The following KIF13A variants were observed in gnomAD, a reference collection of about 807,000 sequenced individuals.
The protein encoded by KIF13A is kinesin-like protein KIF13A.
Under a neutral mutation model 212.2 loss-of-function variants are expected in KIF13A, and 79 were observed. The ratio of observed to expected loss-of-function variants is 0.37; its 90% confidence interval spans 0.31 to 0.45. The LOEUF is 0.45. Ranked by LOEUF, KIF13A falls within the 20% of genes least tolerant of loss-of-function variation. KIF13A has a pLI of 1.00. For missense variants in KIF13A, 1,901 were observed against 2,209.0 expected (o/e 0.86, Z 2.79); for synonymous variants, 789 against 808.6 (o/e 0.98, Z 0.41).
chr6:17,856,716 T>C lies in KIF13A; in HGVS notation c.221-594A>G, dbSNP rs1186162427. ...CACACTGCAGCTCTTGGGGGCATTG[T>C]GTCATGTACTATACTATGGCAGAGC... On this transcript the variant is annotated intron_variant, in intron 4 of 38. Coordinates refer to ENST00000259711, the MANE Select transcript of KIF13A (RefSeq NM_022113.6). This position sits in a 1 kb window ranked among gnomAD's most constrained non-coding sequence, Gnocchi z 4.5. Among the ~76,000 whole-genome samples the C allele has an allele frequency of 1.3e-5, 2 of 152,220 alleles. No individual in the cohort carries two copies. The highest frequency in any genetic ancestry group is 2.9e-5 in the Non-Finnish European group (2 of 68,046).
At chr6:17,840,925 T>A (rs1366861828) in intron 9 of KIF13A, among the ~76,000 whole-genome samples, 2 of 152,142 alleles carry the variant, frequency 1.3e-5, no homozygotes, top group African/African-American at 4.8e-5. Flanking sequence ...TGTCTCCCTC[T>A]CTAGCACCAA....
chr6:17,938,362 G>A (rs1050523228), intron 2 of KIF13A, among the ~76,000 whole-genome samples: 1 of 152,134 alleles, frequency 6.6e-6, no homozygotes, highest in African/African-American at 2.4e-5. Flanking sequence ...CACAAAACAC[G>A]ACCAATGTAA....
At chr6:17,986,905 G>T in intron 2 of KIF13A, 149 bp downstream of exon 2, 1 of 599,434 alleles carries the variant, frequency 1.7e-6, no homozygotes. Flanking sequence ...AGAGGAACTT[G>T]GACTTGCAAC....
rs1581599497 is a variant in KIF13A at position 17,874,037 on chromosome 6, C to T, written c.160-600G>A. Among the ~76,000 whole-genome samples, 2 of 152,108 alleles carry T rather than the reference C, an allele frequency of 1.3e-5. 1 individual carries two copies. Among genetic ancestry groups the T allele is most frequent in the East Asian group, 3.9e-4 (2 of 5,176 alleles). On this transcript the variant is annotated intron_variant, in intron 3 of 38. Transcript: ENST00000259711. The stretch of plus-strand genomic sequence containing the variant: ...CCACAATACATCTGATGAGAAAACA[C>T]AAAAAACAAAAACAATATCTTCTCT...
Position 17,796,832 on chromosome 6 carries a change from G to C in KIF13A, c.2791-12C>G, listed in dbSNP as rs747680978. The stretch of plus-strand genomic sequence containing the variant: ...TTCACCACATAGTCCTGGGATAAGT[G>C]GGGGAAAGCAAAAGAATTATGCTTA... On this transcript the variant is annotated splice_polypyrimidine_tract_variant and intron_variant, in intron 22 of 38. Transcript: ENST00000259711. 1 of 1,469,606 alleles carries C rather than the reference G, an allele frequency of 6.8e-7. No homozygotes were observed. The allele number at this position is 1,469,606 out of a possible 1,614,324, so 91.0% of individuals were successfully genotyped here.
intron 4 of KIF13A, among the ~76,000 whole-genome samples, chr6:17,869,835 C>T (rs934879641): frequency 6.6e-6 from 1 of 152,212 alleles, no homozygotes; most frequent in Admixed American, 6.5e-5. Flanking sequence ...TGCTACCCCC[C>T]AGTTTTGAGA....
At chr6:17,805,363 A>T in intron 19 of KIF13A, 112 bp downstream of exon 19, 1 of 794,512 alleles carries the variant, frequency 1.3e-6, no homozygotes, top group Non-Finnish European at 1.9e-6. Context: ...TATCATGAGC[A>T]CATCTCCGTG....
chr6:17,780,057 A>G (rs1211698709), intron 31 of KIF13A, among the ~76,000 whole-genome samples: 1 of 152,152 alleles, frequency 6.6e-6, no homozygotes, highest in Non-Finnish European at 1.5e-5. Context: ...GTTATTTTGT[A>G]TTTTACAAAT....
chr6:17,860,883 G>A (rs957200308), intron 4 of KIF13A, among the ~76,000 whole-genome samples: 2 of 152,136 alleles, frequency 1.3e-5, no homozygotes, highest in African/African-American at 4.8e-5. Context: ...GAATAAATGC[G>A]TCAACACACT....
Position 17,850,310 on chromosome 6 carries a change from C to G in KIF13A, c.717+13G>C, listed in dbSNP as rs1767516714. ...CCACCCCCACTCCAAAAAGGTTCTG[C>G]CTAATCCCTTACCCCAGACTGCAGG... On this transcript the variant is annotated intron_variant, in intron 8 of 38. Transcript: ENST00000259711. This position sits in a 1 kb window ranked among gnomAD's most constrained non-coding sequence, Gnocchi z 6.2. 1.2e-6 allele frequency: 2 copies of G among 1,608,346 alleles called. No homozygotes were observed. The highest frequency in any genetic ancestry group is 2.7e-5 in the African/African-American group (2 of 74,752).
In KIF13A at chr6:17,843,671, A is replaced by G. The variant is rs954401515; in HGVS notation, c.830+5706T>C. ...TGTACCAGCCTCTGGACTTCCTGTTAAATGAGAAAAATTAACTCACGTCAT... is the reference window on the plus strand; with the variant it reads ...TGTACCAGCCTCTGGACTTCCTGTTGAATGAGAAAAATTAACTCACGTCAT... On this transcript the variant is annotated intron_variant, in intron 9 of 38. Coordinates refer to ENST00000259711, the MANE Select transcript of KIF13A (RefSeq NM_022113.6). The surrounding 1 kb of genome is among the most constrained non-coding windows in gnomAD (Gnocchi z 5.3). Among the ~76,000 whole-genome samples the G allele has an allele frequency of 6.6e-6, 1 of 152,206 alleles. No individual in the cohort carries two copies. Among genetic ancestry groups the G allele is most frequent in the Admixed American group, 6.5e-5 (1 of 15,282 alleles).
intron 31 of KIF13A, 87 bp downstream of exon 31, chr6:17,780,643 G>T: frequency 7.8e-7 from 1 of 1,283,028 alleles, no homozygotes; most frequent in East Asian, 2.3e-5. Flanking sequence ...GCACATCACA[G>T]CACCAAAAAA....
chr6:17,788,688 A>G (rs1761267882), intron 26 of KIF13A, among the ~76,000 whole-genome samples: 1 of 152,162 alleles, frequency 6.6e-6, no homozygotes, highest in African/African-American at 2.4e-5. Flanking sequence ...TCAAGAATAG[A>G]GCCCTTGGAC....
At position 17,953,549 on chromosome 6, in the gene KIF13A, A is replaced by G. The variant is rs530330335; in HGVS notation, c.146+33505T>C. On this transcript the variant is annotated intron_variant, in intron 2 of 38. Transcript: ENST00000259711. Reference sequence around the variant, plus strand: ...GGCTTGGGTGCGCTGAAGATTCCCTATCACCAGTAAACCACCGGCATGGCC... The same window carrying G: ...GGCTTGGGTGCGCTGAAGATTCCCTGTCACCAGTAAACCACCGGCATGGCC... The G allele has an allele frequency of 2.0e-5, 3 of 152,326 alleles. No homozygotes were observed. The Middle Eastern group carries it at 0.01, about 518-fold the overall frequency. 9.4% of individuals were successfully genotyped at this position (152,326 alleles called of 1,614,324 possible). A position where few individuals can be genotyped will look rare whatever the true frequency, so the allele number is the denominator to read the frequency against.
chr6:17,975,175 C>T (rs998743935), intron 2 of KIF13A, among the ~76,000 whole-genome samples: 4 of 152,112 alleles, frequency 2.6e-5, no homozygotes, highest in African/African-American at 9.7e-5. Flanking sequence ...GAAACCCTAT[C>T]TCTACTAAAA....
In KIF13A at chr6:17,982,043, T is replaced by G. The variant is rs1781135733; in HGVS notation, c.146+5011A>C. ...TGCTTGGGACCAGAAGTGTTTTGGA[T>G]TTTGAATTTTTCTTGAATTTGGAAT... On this transcript the variant is annotated intron_variant, in intron 2 of 38. Coordinates refer to ENST00000259711, the MANE Select transcript of KIF13A (RefSeq NM_022113.6). The surrounding 1 kb of genome is among the most constrained non-coding windows in gnomAD (Gnocchi z 5.1). 6.6e-6 allele frequency among the ~76,000 whole-genome samples: 1 copy of G among 152,102 alleles called. No homozygotes were observed. The highest frequency in any genetic ancestry group is 2.4e-5 in the African/African-American group (1 of 41,416).
In KIF13A at chr6:17,917,041, TCCC is replaced by T. The variant is rs201023592; in HGVS notation, c.147-18864_147-18862del. On this transcript the variant is annotated intron_variant, in intron 2 of 38. Coordinates refer to ENST00000259711, the MANE Select transcript of KIF13A (RefSeq NM_022113.6). ...AACTTTACAAAAAAAAAAAAAAAAT[TCCC>T]CACTAGACACTGTGCCCATAACCTT... 6.9e-3 allele frequency among the ~76,000 whole-genome samples: 1,037 copies of T among 150,760 alleles called. 10 individuals carry two copies. Among genetic ancestry groups the T allele is most frequent in the African/African-American group, 0.024 (976 of 41,022 alleles).
At chr6:17,908,778 C>T (rs1422477194) in intron 2 of KIF13A, among the ~76,000 whole-genome samples, 5 of 151,996 alleles carry the variant, frequency 3.3e-5, no homozygotes. Context: ...CTGAAGCAGA[C>T]AGACTTGTGG....
chr6:17,780,958 A>G, intron 30 of KIF13A, 52 bp from the exon 31 acceptor site: 1 of 1,545,470 alleles, frequency 6.5e-7, no homozygotes, highest in East Asian at 2.3e-5. Flanking sequence ...AGTCAGATGT[A>G]GCAGTTTTAC....
Sources: gnomAD v4.1 joint callset for allele counts (sites outside exome capture counted in the v4.1 genomes callset) on GRCh38, gnomAD v4.1.1 for gene constraint, Gnocchi (gnomAD v3.1) non-coding constraint, MANE v1.5 for transcripts, NCBI Gene and HGNC (gene_info 2026-07-23, HGNC 2026-07-21) for gene names.